LRMDA: variants seen among roughly 807,000 people sequenced by gnomAD.
The protein encoded by LRMDA is leucine-rich melanocyte differentiation-associated protein.
Under a neutral mutation model 29.8 loss-of-function variants are expected in LRMDA, and 18 were observed. The observed-to-expected ratio is 0.60, with a 90% confidence interval of 0.42 to 0.90. LRMDA has a LOEUF of 0.90. Among genes scored for constraint, LRMDA ranks in the 40% least tolerant of loss-of-function variants. The probability of loss-of-function intolerance (pLI) is 0.00; values close to 1 mark genes in which losing one functional copy is unlikely to be tolerated. For missense variants in LRMDA, 273 were observed against 273.9 expected, an observed-to-expected ratio of 1.00 and a Z score of 0.02; for synonymous variants, 125 against 109.4, an observed-to-expected ratio of 1.14 and a Z score of -0.89.
At chr10:76,018,981 T>C (rs1847926361) in intron 2 of LRMDA, among the ~76,000 whole-genome samples, 1 of 152,244 alleles carries the variant, frequency 6.6e-6, no homozygotes, top group South Asian at 2.1e-4. Context: ...AAGGGGTTAC[T>C]GTTTGCTGGC....
chr10:76,388,511 T>C (rs969812222), intron 6 of LRMDA, among the ~76,000 whole-genome samples: 1 of 152,230 alleles, frequency 6.6e-6, no homozygotes, highest in African/African-American at 2.4e-5. Flanking sequence ...ATACTCCTTG[T>C]GGCCTGGCTT....
At chr10:76,519,826 T>A (rs1314292215) in intron 6 of LRMDA, among the ~76,000 whole-genome samples, 1 of 152,030 alleles carries the variant, frequency 6.6e-6, no homozygotes, top group Non-Finnish European at 1.5e-5. Flanking sequence ...ATGGAGCTGT[T>A]AATAATGTTT....
chr10:75,615,897 G>A (rs2132102479), intron 2 of LRMDA, among the ~76,000 whole-genome samples: 1 of 152,254 alleles, frequency 6.6e-6, no homozygotes, highest in East Asian at 1.9e-4. Flanking sequence ...TATACTGAAT[G>A]GACTTTTAAA....
intron 5 of LRMDA, among the ~76,000 whole-genome samples, chr10:76,247,119 C>T (rs1852391390): frequency 6.6e-6 from 1 of 152,124 alleles, no homozygotes; most frequent in Non-Finnish European, 1.5e-5. Context: ...CCCAGCTATC[C>T]CAGAATAGCT....
intron 5 of LRMDA, among the ~76,000 whole-genome samples, chr10:76,153,027 G>C (rs1489855579): frequency 2.0e-5 from 3 of 152,048 alleles, no homozygotes; most frequent in Non-Finnish European, 4.4e-5. Flanking sequence ...TTTTAGTAGA[G>C]ACGGGGTTTC....
At chr10:76,258,902 T>C (rs1416125337) in intron 5 of LRMDA, among the ~76,000 whole-genome samples, 1 of 152,202 alleles carries the variant, frequency 6.6e-6, no homozygotes, top group African/African-American at 2.4e-5. Flanking sequence ...ATCTTGGCTA[T>C]TGTGAATAGT....
chr10:75,900,838 C>A lies in LRMDA; in HGVS notation c.132-135170C>A, dbSNP rs534285867. 1.3e-3 allele frequency among the ~76,000 whole-genome samples: 195 copies of A among 152,308 alleles called. 3 individuals are homozygous for A. Among genetic ancestry groups the A allele is most frequent in the Non-Finnish European group, 4.6e-4 (31 of 68,028 alleles). On this transcript the variant is annotated intron_variant, in intron 2 of 6. Transcript: ENST00000611255. Reference sequence around the variant, plus strand: ...ACACTATTGCCTGCCATCTTATGCCCTTATGGATCATAAAGTCTTACTGCA... The same window carrying A: ...ACACTATTGCCTGCCATCTTATGCCATTATGGATCATAAAGTCTTACTGCA...
intron 5 of LRMDA, among the ~76,000 whole-genome samples, chr10:76,186,015 C>G (rs1223933719): frequency 2.0e-5 from 3 of 152,052 alleles, no homozygotes; most frequent in Admixed American, 2.0e-4. Context: ...AAAAATAACT[C>G]CAGATAATGC....
intron 5 of LRMDA, 107 bp from the exon 6 acceptor site, chr10:76,324,294 A>G (rs1483022578): frequency 8.4e-6 from 8 of 953,438 alleles, no homozygotes; most frequent in Admixed American, 5.5e-5. Context: ...CTTGGTGAAT[A>G]ATATTTTCTC....
At chr10:75,656,942 G>A (rs1031241570) in intron 2 of LRMDA, among the ~76,000 whole-genome samples, 11 of 152,260 alleles carry the variant, frequency 7.2e-5, no homozygotes, top group African/African-American at 2.4e-4. Context: ...GCGGCTTAAC[G>A]GGTTGATGTA....
intron 6 of LRMDA, among the ~76,000 whole-genome samples, chr10:76,503,252 A>G (rs1305742709): frequency 6.6e-6 from 1 of 151,898 alleles, no homozygotes; most frequent in Non-Finnish European, 1.5e-5. Context: ...AGCCTATTTG[A>G]TCTTGGCAAA....
rs1279734176 is a variant in LRMDA at position 75,881,742 on chromosome 10, C to A, written c.132-154266C>A. On this transcript the variant is annotated intron_variant, in intron 2 of 6. Transcript: ENST00000611255. ...CCCCCAAAAGATTCTGTAACCAGGGCCCTTGAGCCTCTGCTCATCCCACTC... is the reference window on the plus strand; with the variant it reads ...CCCCCAAAAGATTCTGTAACCAGGGACCTTGAGCCTCTGCTCATCCCACTC... Among the ~76,000 whole-genome samples, 5 of 152,190 alleles carry A rather than the reference C, an allele frequency of 3.3e-5. No individual in the cohort carries two copies. In the East Asian group the frequency reaches 9.6e-4, roughly 29 times the overall value.
Position 76,225,589 on chromosome 10 carries a change from ACTTCTCTCTCTTTT to A in LRMDA, c.517-98801_517-98788del, listed in dbSNP as rs1394104233. Among the ~76,000 whole-genome samples, 7 of 151,954 alleles carry A rather than the reference ACTTCTCTCTCTTTT, an allele frequency of 4.6e-5. No homozygotes were observed. In the East Asian group the frequency reaches 1.2e-3, roughly 25 times the overall value. On this transcript the variant is annotated intron_variant, in intron 5 of 6. Transcript: ENST00000611255. Reference sequence around the variant, plus strand: ...GTTAAAAAGAGCCTGGAACTTCCTCACTTCTCTCTCTTTTCTTCTCTCTCCATGTGATCTGTACA... The same window carrying A: ...GTTAAAAAGAGCCTGGAACTTCCTCACTTCTCTCTCCATGTGATCTGTACA...
At chr10:75,814,900 A>G (rs1042046547) in intron 2 of LRMDA, among the ~76,000 whole-genome samples, 1 of 152,230 alleles carries the variant, frequency 6.6e-6, no homozygotes, top group Non-Finnish European at 1.5e-5. Flanking sequence ...AAATCGTTGC[A>G]CATTATTGAA....
intron 6 of LRMDA, among the ~76,000 whole-genome samples, chr10:76,504,010 G>T (rs1210082017): frequency 6.6e-6 from 1 of 151,518 alleles, no homozygotes; most frequent in African/African-American, 2.4e-5. Flanking sequence ...GCATCCCAAA[G>T]ATTTTGGTAA....
chr10:76,020,470 G>C (rs1322495989), intron 2 of LRMDA, among the ~76,000 whole-genome samples: 1 of 152,196 alleles, frequency 6.6e-6, no homozygotes, highest in Admixed American at 6.5e-5. Context: ...GGTTTGCCAA[G>C]CACTTTCCCA....
At chr10:76,340,244 G>A (rs1349194078) in intron 6 of LRMDA, among the ~76,000 whole-genome samples, 1 of 152,022 alleles carries the variant, frequency 6.6e-6, no homozygotes, top group Non-Finnish European at 1.5e-5. Context: ...GGCCAGGCAT[G>A]GTGGCTCACG....
At chr10:76,193,631 C>T (rs1264011617) in intron 5 of LRMDA, among the ~76,000 whole-genome samples, 1 of 152,102 alleles carries the variant, frequency 6.6e-6, no homozygotes, top group Non-Finnish European at 1.5e-5. Context: ...TTTTTATGTA[C>T]TTCTAGTAGC....
intron 2 of LRMDA, among the ~76,000 whole-genome samples, chr10:75,619,619 T>C (rs1312466126): frequency 1.3e-5 from 2 of 152,176 alleles, no homozygotes; most frequent in Admixed American, 6.5e-5. Flanking sequence ...TTCTAGCTCA[T>C]TTTCTCTGAA....
Sources: gnomAD v4.1 joint callset for allele counts (sites outside exome capture counted in the v4.1 genomes callset) on GRCh38, gnomAD v4.1.1 for gene constraint, MANE v1.5 for transcripts, NCBI Gene and HGNC (gene_info 2026-07-23, HGNC 2026-07-21) for gene names.